IRX4: variants seen among roughly 807,000 people sequenced by gnomAD.
IRX4 encodes the protein iroquois-class homeodomain protein IRX-4.
Under a neutral mutation model 32.0 loss-of-function variants are expected in IRX4, and 22 were observed. The ratio of observed to expected loss-of-function variants is 0.69; its 90% CI spans 0.49 to 0.98. IRX4 has a LOEUF of 0.98. Ranked by LOEUF, IRX4 falls within the 50% of genes least tolerant of loss-of-function variation. The pLI is 0.00. For missense variants in IRX4, 840 were observed against 744.2 expected (o/e 1.13, Z -1.50); for synonymous variants, 379 against 351.7 (o/e 1.08, Z -0.87).
chr5:1,880,007 G>A, intron 3 of IRX4, 175 bp from the exon 4 acceptor site: 1 of 1,499,866 alleles, frequency 6.7e-7, no homozygotes, highest in Admixed American at 2.0e-5. Context: ...AGGTGCCGCT[G>A]CCTGCTGGCA....
intron 4 of IRX4, among the ~76,000 whole-genome samples, chr5:1,879,034 C>T (rs966952892): frequency 8.6e-5 from 13 of 151,740 alleles, no homozygotes; most frequent in African/African-American, 2.4e-4. Flanking sequence ...CTCTGTCGCC[C>T]AGGCTGGAGT....
In IRX4 at chr5:1,878,200, G is replaced by T. The variant is rs1051617925; in HGVS notation, c.1329C>A (p.Phe443Leu). 1.9e-6 allele frequency: 3 copies of T among 1,597,924 alleles called. No individual in the cohort carries two copies. The highest frequency in any genetic ancestry group is 2.6e-6 in the Non-Finnish European group (3 of 1,173,636). ...TGCTGTGCCTGAGGATGGGGTCGTG[G>T]AAGACCCCGTCCACCCAGTTTCTGA... ...TSLRNWVDGV[F>L]HDPILRHSTL... The change falls in exon 5 of 5, where the codon TTC becomes TTA. Residue 443 changes from phenylalanine (F) to leucine (L), a missense_variant. Around this residue, in one of 3 missense-constraint regions of IRX4, gnomAD observed 585 missense variants for 488.0 expected, o/e 1.20. Transcript: ENST00000231357.
rs1173773980 is a variant in IRX4, at chr5:1,878,283, C to T, written c.1246G>A (p.Val416Met). The part of the protein sequence containing the change: ...VSSAPATSPS[V>M]ALPHSGALDR... ...AGGGCGCCAGAGTGGGGAAGGGCCACAGACGGGGACGTGGCGGGCGCGGAG... is the reference window on the plus strand; with the variant it reads ...AGGGCGCCAGAGTGGGGAAGGGCCATAGACGGGGACGTGGCGGGCGCGGAG... Residue 416 changes from valine to methionine, a missense_variant, in exon 5 of 5, where the codon GTG (valine) becomes ATG (methionine). Val to Met is a conservative substitution (Grantham distance 21). Coordinates refer to ENST00000231357, the MANE Select transcript of IRX4 (RefSeq NM_016358.3). 1 of 1,597,298 alleles carries T rather than the reference C, an allele frequency of 6.3e-7. No individual in the cohort carries two copies. Among genetic ancestry groups the T allele is most frequent in the African/African-American group, 1.3e-5 (1 of 74,662 alleles).
chr5:1,882,743 A>G lies in IRX4; in HGVS notation c.-96T>C. 1 of 735,358 alleles carries G rather than the reference A, an allele frequency of 1.4e-6. No homozygotes were observed. Among genetic ancestry groups the G allele is most frequent in the South Asian group, 3.5e-5 (1 of 28,688 alleles). The allele number at this position is 735,358 out of a possible 1,614,324, so 45.6% of individuals were successfully genotyped here. ...CACTGCTCCGGAGCTGCAGGCTTCT[A>G]GGCGCTGGGAGGGCGAAGCAGGAGA... On this transcript the variant is annotated 5_prime_UTR_variant, in exon 1 of 5. Transcript: ENST00000231357.
intron 1 of IRX4, among the ~76,000 whole-genome samples, 196 bp downstream of exon 1, chr5:1,882,407 G>A (rs1191054713): frequency 1.3e-5 from 2 of 152,188 alleles, no homozygotes; most frequent in African/African-American, 4.8e-5. Context: ...GGCCCGGCCC[G>A]TCGGATTTTC....
chr5:1,886,593 C>T (rs1250131463), upstream of IRX4, among the ~76,000 whole-genome samples: 1 of 152,136 alleles, frequency 6.6e-6, no homozygotes, highest in Non-Finnish European at 1.5e-5. Flanking sequence ...GCCCGCGGCC[C>T]TCTCCCTCCT....
At position 1,879,114 on chromosome 5, in the gene IRX4, C is replaced by T. The variant is rs10475118; in HGVS notation, c.737-322G>A. ...TCAGGGCATTCTCCTGCCTCAGCCTCCCGAGTAGCTGGGACTACAGGCGCC... is the reference window on the plus strand; with the variant it reads ...TCAGGGCATTCTCCTGCCTCAGCCTTCCGAGTAGCTGGGACTACAGGCGCC... On this transcript the variant is annotated intron_variant, in intron 4 of 4. Transcript: ENST00000231357. 0.25 allele frequency among the ~76,000 whole-genome samples: 37,548 copies of T among 151,148 alleles called. 4,817 individuals carry two copies. The highest frequency in any genetic ancestry group is 0.3 in the East Asian group (1,557 of 5,128).
chr5:1,886,234 G>A (rs924217510), upstream of IRX4, among the ~76,000 whole-genome samples: 1 of 152,236 alleles, frequency 6.6e-6, no homozygotes, highest in African/African-American at 2.4e-5. Context: ...TTACCCTGGG[G>A]GCCACCAGTT....
In IRX4 at chr5:1,878,617, G is replaced by A. The variant is rs1735303691; in HGVS notation, c.912C>T (p.Leu304=). ...DGPVKEASGA[L]RMSLAAGGGA... ...CGCCACCCGCGGCCAGAGACATCCG[G>A]AGCGCGCCTGAGGCCTCCTTGACCG... Residue 304 remains leucine (L), a synonymous_variant, in exon 5 of 5, where the codon CTC becomes CTT. Transcript: ENST00000231357. 6.4e-7 allele frequency: 1 copy of A among 1,568,508 alleles called. No homozygotes were observed. Among genetic ancestry groups the A allele is most frequent in the Non-Finnish European group, 8.6e-7 (1 of 1,157,952 alleles).
Position 1,882,831 on chromosome 5 carries a change from T to G in IRX4, c.-184A>C. The G allele has an allele frequency of 2.5e-6, 1 of 395,714 alleles. No homozygotes were observed. Among genetic ancestry groups the G allele is most frequent in the African/African-American group, 2.1e-5 (1 of 47,858 alleles). 24.5% of individuals were successfully genotyped at this position (395,714 alleles called of 1,614,324 possible). On this transcript the variant is annotated 5_prime_UTR_variant, in exon 1 of 5. Transcript: ENST00000231357. Reference sequence around the variant, plus strand: ...AACCGGGTAACAAAGTGAGCAGCGGTGGCCGCCGCGATTCCTTTAACTTCG... The same window carrying G: ...AACCGGGTAACAAAGTGAGCAGCGGGGGCCGCCGCGATTCCTTTAACTTCG...
chr5:1,878,828 G>C (rs781108339), intron 4 of IRX4, 36 bp from the exon 5 acceptor site: 1 of 1,604,202 alleles, frequency 6.2e-7, no homozygotes, highest in Non-Finnish European at 8.5e-7. Flanking sequence ...GGAGGGAGAG[G>C]GTTGGTAGGT....
Position 1,882,910 on chromosome 5 carries a change from G to T in IRX4, c.-263C>A. 7.9e-6 allele frequency: 2 copies of T among 253,462 alleles called. No individual in the cohort carries two copies. The highest frequency in any genetic ancestry group is 1.5e-5 in the Non-Finnish European group (2 of 136,728). The allele number at this position is 253,462 out of a possible 1,614,324, so 15.7% of individuals were successfully genotyped here. A position where few individuals can be genotyped will look rare whatever the true frequency, so the allele number is the denominator to read the frequency against. Reference sequence around the variant, plus strand: ...ACCGAGCGGCCTCGCAGCGGCGACAGAAATACATATTTTACGAAAAAGAAA... The same window carrying T: ...ACCGAGCGGCCTCGCAGCGGCGACATAAATACATATTTTACGAAAAAGAAA... On this transcript the variant is annotated 5_prime_UTR_variant, in exon 1 of 5. In the 5' UTR this introduces an upstream ATG that the reference lacks. Transcript: ENST00000231357.
chr5:1,885,178 C>T (rs551239751), upstream of IRX4, among the ~76,000 whole-genome samples: 16 of 152,302 alleles, frequency 1.1e-4, no homozygotes, highest in South Asian at 3.3e-3. Context: ...CTCAGCCCAC[C>T]CAGACCTGAG....
At position 1,878,444 on chromosome 5, in the gene IRX4, A is replaced by T; in HGVS notation, c.1085T>A (p.Leu362Gln). 1 of 1,470,226 alleles carries T rather than the reference A, an allele frequency of 6.8e-7. No homozygotes were observed. Among genetic ancestry groups the T allele is most frequent in the Non-Finnish European group, 9.0e-7 (1 of 1,116,426 alleles). The allele number at this position is 1,470,226 out of a possible 1,614,324, so 91.1% of individuals were successfully genotyped here. Residue 362 changes from leucine (L) to glutamine (Q), a missense_variant, in exon 5 of 5, where the codon CTG (leucine) becomes CAG (glutamine). By Grantham distance (113) the Leu-to-Gln change is moderately radical. This residue lies in a region of IRX4 where 585 missense variants were observed against 488.0 expected (regional missense o/e 1.20). Transcript: ENST00000231357. ...GGACCAGATGCGCGGCTTAGCCTCCAGGCCTGCCGACGCCCCCGCCGGCAC... is the reference window on the plus strand; with the variant it reads ...GGACCAGATGCGCGGCTTAGCCTCCTGGCCTGCCGACGCCCCCGCCGGCAC... Reference protein sequence around the residue: ...GFVPAGASAGLEAKPRIWSLA... With the variant: ...GFVPAGASAGQEAKPRIWSLA...
At position 1,878,667 on chromosome 5, in the gene IRX4, G is replaced by A. The variant is rs764889413; in HGVS notation, c.862C>T (p.Arg288Cys). The change falls in exon 5 of 5, where the codon CGC (arginine) becomes TGC (cysteine). Residue 288 changes from arginine to cysteine, a missense_variant. By Grantham distance (180) the Arg-to-Cys change is radical (BLOSUM62 -3). Around this residue, in one of 3 missense-constraint regions of IRX4, gnomAD observed 585 missense variants for 488.0 expected, o/e 1.20. Transcript: ENST00000231357. The part of the protein sequence containing the change: ...PFHSLDGGLE[R>C]VPAAPDGPVK... ...GGGCCGTCGGGCGCGGCGGGGACGC[G>A]CTCCAGACCGCCGTCCAGGGAGTGG... is the stretch of plus-strand genomic sequence containing the variant. 5 of 1,578,334 alleles carry A rather than the reference G, an allele frequency of 3.2e-6. No individual in the cohort carries two copies. The East Asian group carries it at 7.2e-5, about 23-fold the overall frequency.
upstream of IRX4, among the ~76,000 whole-genome samples, chr5:1,886,187 C>T (rs1043364525): frequency 1.3e-5 from 2 of 152,266 alleles, no homozygotes; most frequent in Non-Finnish European, 2.9e-5. Context: ...CGGGCCCTGA[C>T]CCTTCTTCGG....
At chr5:1,878,847 C>A (rs1341732779) in intron 4 of IRX4, 55 bp from the exon 5 acceptor site, 4 of 1,560,076 alleles carry the variant, frequency 2.6e-6, no homozygotes, top group South Asian at 1.1e-5. Flanking sequence ...GTGAATCAGA[C>A]CCCCTGTCCC....
At position 1,877,651 on chromosome 5, in the gene IRX4, G is replaced by A; in HGVS notation, c.*318C>T. The A allele has an allele frequency of 2.7e-6, 1 of 364,160 alleles. No individual in the cohort carries two copies. Among genetic ancestry groups the A allele is most frequent in the East Asian group, 5.4e-5 (1 of 18,614 alleles). 22.6% of individuals were successfully genotyped at this position (364,160 alleles called of 1,614,324 possible). On this transcript the variant is annotated 3_prime_UTR_variant, in exon 5 of 5. Transcript: ENST00000231357. ...GGGACAGCAGACCACGCTTCAGAAC[G>A]GAACCGCCTTCTCCATGTAAACTTT...
chr5:1,883,184 T>C (rs193051629), upstream of IRX4, among the ~76,000 whole-genome samples: 194 of 152,304 alleles, frequency 1.3e-3, no homozygotes, highest in African/African-American at 4.3e-3. Context: ...TGTTTCTCTT[T>C]AGTCACCCGA....
Sources: allele counts gnomAD v4.1 joint callset (sites outside exome capture counted in the v4.1 genomes callset), GRCh38; gene constraint gnomAD v4.1.1; regional missense constraint gnomAD v4.1.1; transcripts MANE v1.5; gene names NCBI Gene and HGNC (gene_info 2026-07-23, HGNC 2026-07-21).